AGBL4: variants seen among roughly 807,000 people sequenced by gnomAD.
AGBL4 encodes AGBL carboxypeptidase 4.
A neutral mutation model predicts 66.4 loss-of-function variants in AGBL4; 58 were observed. That is an observed-to-expected ratio of 0.87 (90% CI 0.71 to 1.09). The LOEUF (loss-of-function observed/expected upper bound fraction) is 1.09, where lower values mean the gene tolerates loss of function less well. Ranked by LOEUF, AGBL4 falls within the 50% of genes least tolerant of loss-of-function variation. The probability of loss-of-function intolerance (pLI) is 0.00; values close to 1 mark genes in which losing one functional copy is unlikely to be tolerated. For synonymous variants in AGBL4, 234 were observed against 222.9 expected (o/e 1.05, Z -0.44); for missense variants, 579 against 631.0 (o/e 0.92, Z 0.88).
intron 8 of AGBL4, among the ~76,000 whole-genome samples, chr1:48,646,483 G>A (rs1346765431): frequency 6.7e-6 from 1 of 150,068 alleles, no homozygotes; most frequent in African/African-American, 2.5e-5. Flanking sequence ...TCTAGATTTT[G>A]AGGTGGAAGA....
chr1:49,083,450 G>C (rs1177838408), intron 4 of AGBL4, among the ~76,000 whole-genome samples: 2 of 152,242 alleles, frequency 1.3e-5, no homozygotes. Context: ...CCACATGGAA[G>C]CTGCCAAGGC....
intron 6 of AGBL4, among the ~76,000 whole-genome samples, chr1:48,712,569 C>T (rs1646985543): frequency 6.6e-6 from 1 of 151,798 alleles, no homozygotes; most frequent in African/African-American, 2.4e-5. Flanking sequence ...TATATATCAG[C>T]TCCTTACCCC....
intron 5 of AGBL4, among the ~76,000 whole-genome samples, chr1:48,973,155 A>G (rs1047517518): frequency 1.3e-5 from 2 of 152,158 alleles, no homozygotes; most frequent in African/African-American, 4.8e-5. Context: ...TATAAATTTC[A>G]CTAAGTGAAA....
chr1:49,081,913 C>T (rs1220300241), intron 4 of AGBL4, among the ~76,000 whole-genome samples: 2 of 152,202 alleles, frequency 1.3e-5, no homozygotes, highest in South Asian at 4.1e-4. Context: ...TTGGCACAGT[C>T]CTTCCCTAAG....
intron 3 of AGBL4, among the ~76,000 whole-genome samples, chr1:49,481,077 T>G (rs1010524757): frequency 6.6e-6 from 1 of 151,962 alleles, no homozygotes; most frequent in African/African-American, 2.4e-5. Context: ...ATGCCTCCAG[T>G]TTTGTTCTTT....
chr1:49,678,797 C>T (rs1054290182), intron 3 of AGBL4, among the ~76,000 whole-genome samples: 1 of 151,904 alleles, frequency 6.6e-6, no homozygotes, highest in Non-Finnish European at 1.5e-5. Context: ...CTTTTAGTTC[C>T]ATTCACTGTG....
rs115282801 is a variant in AGBL4, at chr1:48,613,673, C to A, written c.951+20820G>T. 7.4e-3 allele frequency among the ~76,000 whole-genome samples: 1,133 copies of A among 152,264 alleles called. 8 individuals carry two copies. Among genetic ancestry groups the A allele is most frequent in the African/African-American group, 0.023 (966 of 41,518 alleles). ...TTCTCTGCCATAAAACAGCAGGTCC[C>A]AGATAGGGGTGACACCTTTAGCCTG... On this transcript the variant is annotated intron_variant, in intron 9 of 13. Transcript: ENST00000371839.
At chr1:49,928,718 T>C (rs1485450640) in intron 1 of AGBL4, among the ~76,000 whole-genome samples, 1 of 152,136 alleles carries the variant, frequency 6.6e-6, no homozygotes, top group Non-Finnish European at 1.5e-5. Context: ...GTAAGGCACA[T>C]ATAATCAAGT....
intron 6 of AGBL4, among the ~76,000 whole-genome samples, chr1:48,671,657 A>G (rs1460658588): frequency 3.9e-5 from 6 of 152,234 alleles, no homozygotes; most frequent in Non-Finnish European, 4.4e-5. Context: ...TAAGTGTTCA[A>G]AAGGATACTT....
chr1:49,175,981 G>C lies in AGBL4; in HGVS notation c.377+69789C>G, dbSNP rs566750888. ...CAAGAATCATTAACTCCTTTGATCA[G>C]AAGTTTTTCCTGCCCATACAATTAT... is the stretch of plus-strand genomic sequence containing the variant. On this transcript the variant is annotated intron_variant, in intron 4 of 13. Transcript: ENST00000371839. Among the ~76,000 whole-genome samples the C allele has an allele frequency of 3.9e-5, 6 of 152,246 alleles. No individual in the cohort carries two copies. In the South Asian group the frequency reaches 1.2e-3, roughly 32 times the overall value.
intron 1 of AGBL4, among the ~76,000 whole-genome samples, chr1:49,882,650 A>G (rs961554679): frequency 6.6e-6 from 1 of 152,134 alleles, no homozygotes; most frequent in Non-Finnish European, 1.5e-5. Context: ...CTTTGAAGCA[A>G]TTGTGAATGG....
intron 3 of AGBL4, among the ~76,000 whole-genome samples, chr1:49,491,577 G>C (rs117718313): frequency 6.6e-6 from 1 of 151,806 alleles, no homozygotes; most frequent in African/African-American, 2.4e-5. Context: ...AATTACTCAG[G>C]AGACTGTGGG....
intron 3 of AGBL4, among the ~76,000 whole-genome samples, chr1:49,334,960 A>G (rs536431513): frequency 6.6e-6 from 1 of 152,326 alleles, no homozygotes; most frequent in Admixed American, 6.5e-5. Flanking sequence ...CAAATAAACC[A>G]GCTCCACCAA....
chr1:49,207,610 T>C (rs1413013781), intron 4 of AGBL4, among the ~76,000 whole-genome samples: 2 of 77,748 alleles, frequency 2.6e-5, no homozygotes, highest in South Asian at 5.3e-4. Context: ...TTCTTCTTTT[T>C]ATTTTCAAGG....
At chr1:49,185,298 C>A (rs1181738433) in intron 4 of AGBL4, among the ~76,000 whole-genome samples, 1 of 152,158 alleles carries the variant, frequency 6.6e-6, no homozygotes, top group African/African-American at 2.4e-5. Flanking sequence ...AAATGCCTTG[C>A]CAGAGACGTT....
At chr1:49,796,180 C>T (rs1179638637) in intron 2 of AGBL4, among the ~76,000 whole-genome samples, 2 of 151,772 alleles carry the variant, frequency 1.3e-5, no homozygotes, top group African/African-American at 4.8e-5. Flanking sequence ...ATAAGTTTAA[C>T]TTTAACAATG....
At chr1:49,449,835 T>A (rs961411014) in intron 3 of AGBL4, among the ~76,000 whole-genome samples, 2 of 152,084 alleles carry the variant, frequency 1.3e-5, no homozygotes, top group African/African-American at 4.8e-5. Flanking sequence ...ATCCTCATTA[T>A]TCATAACACA....
At chr1:49,390,740 T>A (rs1644828046) in intron 3 of AGBL4, among the ~76,000 whole-genome samples, 1 of 152,244 alleles carries the variant, frequency 6.6e-6, no homozygotes, top group African/African-American at 2.4e-5. Flanking sequence ...TATCTTATAA[T>A]GGTCATTATC....
chr1:49,135,443 A>G (rs1194430586), intron 4 of AGBL4, among the ~76,000 whole-genome samples: 1 of 152,144 alleles, frequency 6.6e-6, no homozygotes, highest in Non-Finnish European at 1.5e-5. Context: ...AAAGACACAC[A>G]CACAGAAATA....
Sources: gnomAD v4.1 joint callset for allele counts (sites outside exome capture counted in the v4.1 genomes callset) on GRCh38, gnomAD v4.1.1 for gene constraint, MANE v1.5 for transcripts, NCBI Gene and HGNC (gene_info 2026-07-23, HGNC 2026-07-21) for gene names.